The following PGGHG variants were observed in gnomAD, a reference collection of about 807,000 sequenced individuals.
PGGHG encodes the protein protein-glucosylgalactosylhydroxylysine glucosidase.
A neutral mutation model predicts 74.5 loss-of-function variants in PGGHG; 67 were observed. That is an observed-to-expected ratio of 0.90 (90% CI 0.74 to 1.10). The LOEUF (loss-of-function observed/expected upper bound fraction) is 1.10, where lower values mean the gene tolerates loss of function less well. Ranked by LOEUF, PGGHG falls within the 50% of genes least tolerant of loss-of-function variation. PGGHG has a pLI of 0.00. For missense variants in PGGHG, 1,034 were observed against 981.5 expected (o/e 1.05, Z -0.72); for synonymous variants, 496 against 419.9 (o/e 1.18, Z -2.21).
intron 4 of PGGHG, 79 bp downstream of exon 4, chr11:291,192 G>C: frequency 6.8e-7 from 1 of 1,463,198 alleles, no homozygotes; most frequent in Non-Finnish European, 9.2e-7. Flanking sequence ...CCTGGGACCA[G>C]GGCTATGGTT....
At chr11:290,246 C>A (rs1280152558) in intron 2 of PGGHG, 144 bp from the exon 3 acceptor site, 2 of 1,331,672 alleles carry the variant, frequency 1.5e-6, no homozygotes, top group Non-Finnish European at 2.0e-6. Flanking sequence ...TGGAGGCCTC[C>A]TGTGCAGCTG....
Position 293,802 on chromosome 11 carries a change from CT to C in PGGHG, c.1615-27del, listed in dbSNP as rs377135255. ...TCTGCCCACGCAGTGGGCCTCACCC[CT>C]GTGTGTCCTCTTACCTCTGACCCCA... On this transcript the variant is annotated intron_variant, in intron 10 of 13. Coordinates refer to ENST00000409548, the MANE Select transcript of PGGHG (RefSeq NM_025092.5). The C allele has an allele frequency of 3.2e-5, 51 of 1,613,520 alleles. 1 individual carries two copies. The African/African-American group carries it at 3.9e-4, about 12-fold the overall frequency.
intron 4 of PGGHG, 50 bp downstream of exon 4, chr11:291,163 G>A (rs781119978): frequency 6.6e-7 from 1 of 1,510,386 alleles, no homozygotes; most frequent in Non-Finnish European, 8.9e-7. Context: ...ACACATGGAG[G>A]TCCACGGTCT....
At position 295,343 on chromosome 11, in the gene PGGHG, G is replaced by A. The variant is rs2242565; in HGVS notation, c.*594G>A. 0.7 allele frequency: 106,788 copies of A among 152,216 alleles called. 37,784 individuals are homozygous for A. The highest frequency in any genetic ancestry group is 0.76 in the Middle Eastern group (227 of 298). 9.4% of individuals were successfully genotyped at this position (152,216 alleles called of 1,614,324 possible). ...TTGGGCAGCCTCTGCTACAGCGTGGGGTGGGATGGCTCTCTTCCCTCAGCC... is the reference window on the plus strand; with the variant it reads ...TTGGGCAGCCTCTGCTACAGCGTGGAGTGGGATGGCTCTCTTCCCTCAGCC... On this transcript the variant is annotated 3_prime_UTR_variant, in exon 14 of 14. Transcript: ENST00000409548.
rs1331975163 is a variant in PGGHG at position 290,661 on chromosome 11, T to C, written c.471-17T>C. 1.9e-6 allele frequency: 3 copies of C among 1,610,010 alleles called. No individual in the cohort carries two copies. Among genetic ancestry groups the C allele is most frequent in the Non-Finnish European group, 2.5e-6 (3 of 1,178,200 alleles). The stretch of plus-strand genomic sequence containing the variant: ...AGGGAGGGAGCTCATCCCTGAGGCA[T>C]GGCCACGCTCTCACAGGTACCTGTA... On this transcript the variant is annotated splice_polypyrimidine_tract_variant and intron_variant, in intron 3 of 13. Transcript: ENST00000409548.
At position 291,000 on chromosome 11, in the gene PGGHG, A is replaced by G; in HGVS notation, c.793A>G (p.Ser265Gly). 6.2e-7 allele frequency: 1 copy of G among 1,612,678 alleles called. No individual in the cohort carries two copies. Among genetic ancestry groups the G allele is most frequent in the South Asian group, 1.1e-5 (1 of 91,074 alleles). The part of the protein sequence containing the change: ...ALRGSLYYLL[S>G]ALPQPKAPGY... ...GCGTGGCTCCCTCTACTACCTGCTC[A>G]GTGCCCTGCCCCAGCCCAAGGCCCC... Residue 265 changes from serine (S) to glycine (G), a missense_variant, in exon 4 of 14, where the codon AGT (serine) becomes GGT (glycine). Ser to Gly is a moderately conservative substitution (Grantham distance 56). Transcript: ENST00000409548.
rs1845840359 is a variant in PGGHG, at chr11:295,277, C to T, written c.*528C>T. 1 of 152,426 alleles carries T rather than the reference C, an allele frequency of 6.6e-6. No homozygotes were observed. The highest frequency in any genetic ancestry group is 2.4e-5 in the African/African-American group (1 of 41,468). 9.4% of individuals were successfully genotyped at this position (152,426 alleles called of 1,614,324 possible). ...TCATGCAGTTGAGGGGACTTAGTCTCAATCCCAGGCTCCTCTTGACTCTGG... is the reference window on the plus strand; with the variant it reads ...TCATGCAGTTGAGGGGACTTAGTCTTAATCCCAGGCTCCTCTTGACTCTGG... On this transcript the variant is annotated 3_prime_UTR_variant, in exon 14 of 14. Transcript: ENST00000409548.
At chr11:290,183 C>T (rs1361493054) in intron 2 of PGGHG, 108 bp downstream of exon 2, 8 of 1,428,572 alleles carry the variant, frequency 5.6e-6, no homozygotes, top group Non-Finnish European at 7.4e-6. Context: ...CACAGGAAGT[C>T]TCACTAAGAC....
Position 290,714 on chromosome 11 carries a change from C to CG in PGGHG, c.513dup (p.Pro172AlafsTer22), listed in dbSNP as rs774965357. 2.5e-6 allele frequency: 4 copies of CG among 1,604,070 alleles called. No homozygotes were observed. Among genetic ancestry groups the CG allele is most frequent in the South Asian group, 1.1e-5 (1 of 90,226 alleles). On this transcript the variant is annotated frameshift_variant, in exon 4 of 14. Transcript: ENST00000409548. LOFTEE classifies it high-confidence loss of function. ...GCCACACCCTCACCCCTGAGCAGCC[C>CG]GGGGGGCCACAGCAAGAGGTACACA... is the stretch of plus-strand genomic sequence containing the variant.
rs774311029 is a variant in PGGHG, at chr11:293,753, C to G, written c.1614+26C>G. On this transcript the variant is annotated intron_variant, in intron 10 of 13. Coordinates refer to ENST00000409548, the MANE Select transcript of PGGHG (RefSeq NM_025092.5). ...GTGAGCACCCTGGGGCTGTGGAGTT[C>G]CTACCCCATTGGCCTCAGTCTTCTC... 3.1e-6 allele frequency: 5 copies of G among 1,612,602 alleles called. No homozygotes were observed. In the Admixed American group the frequency reaches 5.0e-5, roughly 16 times the overall value.
At chr11:293,263 C>A in intron 8 of PGGHG, 28 bp downstream of exon 8, 1 of 1,605,534 alleles carries the variant, frequency 6.2e-7, no homozygotes, top group Non-Finnish European at 8.5e-7. Context: ...CTCACCTCAC[C>A]CCACCCCCGC....
chr11:289,860 C>G lies in PGGHG; in HGVS notation c.44C>G (p.Ser15Cys). 6.4e-7 allele frequency: 1 copy of G among 1,551,170 alleles called. No homozygotes were observed. Among genetic ancestry groups the G allele is most frequent in the South Asian group, 1.2e-5 (1 of 84,060 alleles). The change falls in exon 2 of 14, where the codon TCT becomes TGT. Residue 15 changes from serine (S) to cysteine (C), a missense_variant. Ser to Cys is a moderately radical substitution (Grantham distance 112, BLOSUM62 -1). Coordinates refer to ENST00000409548, the MANE Select transcript of PGGHG (RefSeq NM_025092.5). This position sits in a 1 kb window ranked among gnomAD's most constrained non-coding sequence, Gnocchi z 5.6. ...GACCCCACCACGTTTGCTGCCCACT[C>G]TCTGCCCAGTGACCCCCGTCTCTTG... ...GEDPTTFAAH[S>C]LPSDPRLLAT...
At chr11:293,749 A>C (rs1309021602) in intron 10 of PGGHG, 22 bp downstream of exon 10, 1 of 1,613,164 alleles carries the variant, frequency 6.2e-7, no homozygotes, top group African/African-American at 1.3e-5. Context: ...GGGGCTGTGG[A>C]GTTCCTACCC....
chr11:289,511 G>C lies in PGGHG; in HGVS notation c.-14+272G>C. On this transcript the variant is annotated intron_variant, in intron 1 of 13. Transcript: ENST00000409548. The surrounding 1 kb of genome is among the most constrained non-coding windows in gnomAD (Gnocchi z 5.6). The stretch of plus-strand genomic sequence containing the variant: ...TGGGGGCAAGACCGGGGTTGTGGGG[G>C]GTGCGTTTGGAAAGCAGGGTTAGGA... The C allele has an allele frequency of 2.5e-6, 1 of 392,344 alleles. No individual in the cohort carries two copies. Among genetic ancestry groups the C allele is most frequent in the Non-Finnish European group, 4.6e-6 (1 of 216,430 alleles). 24.3% of individuals were successfully genotyped at this position (392,344 alleles called of 1,614,324 possible). A position where few individuals can be genotyped will look rare whatever the true frequency, so the allele number is the denominator to read the frequency against.
rs1162721158 is a variant in PGGHG, at chr11:290,440, A to G, written c.310A>G (p.Ile104Val). 4.5e-6 allele frequency: 7 copies of G among 1,549,070 alleles called. No homozygotes were observed. Among genetic ancestry groups the G allele is most frequent in the African/African-American group, 1.4e-5 (1 of 73,118 alleles). The change falls in exon 3 of 14, where the codon ATC (isoleucine) becomes GTC (valine). Residue 104 changes from isoleucine to valine, a missense_variant. Physicochemically the swap from Ile to Val is conservative, Grantham distance 29. Coordinates refer to ENST00000409548, the MANE Select transcript of PGGHG (RefSeq NM_025092.5). ...EGPRFRASQC[I>V]YAHRTLPHVL... ...CCCCCGCTTCCGGGCCTCCCAGTGC[A>G]TCTATGCGCATCGCACGCTGCCCCA...
In PGGHG at chr11:295,633, C is replaced by G. The variant is rs183229273; in HGVS notation, c.*884C>G. The G allele has an allele frequency of 9.1e-3, 1,380 of 152,418 alleles. 8 individuals carry two copies. Among genetic ancestry groups the G allele is most frequent in the Non-Finnish European group, 0.014 (952 of 68,052 alleles). 9.4% of individuals were successfully genotyped at this position (152,418 alleles called of 1,614,324 possible). A position where few individuals can be genotyped will look rare whatever the true frequency, so the allele number is the denominator to read the frequency against. On this transcript the variant is annotated 3_prime_UTR_variant, in exon 14 of 14. Coordinates refer to ENST00000409548, the MANE Select transcript of PGGHG (RefSeq NM_025092.5). The stretch of plus-strand genomic sequence containing the variant: ...CTGATGAGGACCAGGCCCCCTGCAC[C>G]GCTGTCAGCCTGAGGAATTAAAGCT...
chr11:289,773 G>T lies in PGGHG; in HGVS notation c.-13-31G>T. 25 of 1,525,380 alleles carry T rather than the reference G, an allele frequency of 1.6e-5. No individual in the cohort carries two copies. The highest frequency in any genetic ancestry group is 2.2e-5 in the Non-Finnish European group (25 of 1,133,566). 94.5% of individuals were successfully genotyped at this position (1,525,380 alleles called of 1,614,324 possible). ...TCAAGAGGGAGGCCCAGCCAGTCCC[G>T]CGGCCCCTGACACCCCATCAGGCCG... On this transcript the variant is annotated intron_variant, in intron 1 of 13. Transcript: ENST00000409548. The surrounding 1 kb of genome is among the most constrained non-coding windows in gnomAD (Gnocchi z 5.6).
In PGGHG at chr11:295,979, G is replaced by A. The variant is rs1232470201; in HGVS notation, c.*1230G>A. On this transcript the variant is annotated 3_prime_UTR_variant, in exon 14 of 14. Transcript: ENST00000409548. ...AGGATGCCTGGGTCTCCCAAGGCCT[G>A]TCTGCTGTCTCTGCCACCCTCAGCG... 6.6e-6 allele frequency: 1 copy of A among 152,290 alleles called. No individual in the cohort carries two copies. Among genetic ancestry groups the A allele is most frequent in the African/African-American group, 2.4e-5 (1 of 41,472 alleles). The allele number at this position is 152,290 out of a possible 1,614,324, so 9.4% of individuals were successfully genotyped here.
rs966099746 is a variant in PGGHG, at chr11:296,080, T to TCC, written c.*1334_*1335dup. 1 of 152,262 alleles carries TCC rather than the reference T, an allele frequency of 6.6e-6. No homozygotes were observed. The highest frequency in any genetic ancestry group is 2.4e-5 in the African/African-American group (1 of 41,440). 9.4% of individuals were successfully genotyped at this position (152,262 alleles called of 1,614,324 possible). On this transcript the variant is annotated 3_prime_UTR_variant, in exon 14 of 14. Transcript: ENST00000409548. ...CCGAGACCAGCACTCAGAGGTCGGC[T>TCC]CCCCTGACAGGAACCGTGTAGGGTG...
Sources: gnomAD v4.1 joint callset for allele counts on GRCh38, gnomAD v4.1.1 for gene constraint, Gnocchi (gnomAD v3.1) non-coding constraint, MANE v1.5 for transcripts, NCBI Gene and HGNC (gene_info 2026-07-23, HGNC 2026-07-21) for gene names.